The following ZNF331 variants were observed in gnomAD, a reference collection of about 807,000 sequenced individuals.
ZNF331 encodes zinc finger protein 331, also known as C2H2-like zinc finger protein rearranged in thyroid adenomas.
ZNF331 carries 2 observed loss-of-function variants against 7.0 expected under a neutral mutation model. The observed-to-expected ratio is 0.29, with a 90% CI of 0.12 to 0.90. The LOEUF (loss-of-function observed/expected upper bound fraction) is 0.90. Among genes scored for constraint, ZNF331 ranks in the 40% least tolerant of loss-of-function variants. The pLI, the probability that ZNF331 is intolerant of heterozygous loss-of-function variation, is 0.58. For missense variants in ZNF331, 432 were observed against 587.7 expected, an observed-to-expected ratio of 0.74 and a Z score of 2.74; for synonymous variants, 196 against 205.4, an observed-to-expected ratio of 0.95 and a Z score of 0.39.
chr19:53,558,389 A>G lies in ZNF331; in HGVS notation c.-74+2481A>G, dbSNP rs1012321880. On this transcript the variant is annotated intron_variant, in intron 3 of 5. Coordinates refer to ENST00000449416, the MANE Select transcript of ZNF331 (RefSeq NM_001079906.2). This position sits in a 1 kb window ranked among gnomAD's most constrained non-coding sequence, Gnocchi z 4.5. ...TTTCAGAGTTCTTTTGTACCTTCCT[A>G]GCAGCCACCTCCTGTTCAGCTGTCC... 6.6e-6 allele frequency among the ~76,000 whole-genome samples: 1 copy of G among 152,054 alleles called. No homozygotes were observed. Among genetic ancestry groups the G allele is most frequent in the Admixed American group, 6.6e-5 (1 of 15,266 alleles).
At chr19:53,515,208 T>C (rs2086874990), upstream of ZNF331, among the ~76,000 whole-genome samples, 1 of 152,218 alleles carries the variant, frequency 6.6e-6, no homozygotes, top group Non-Finnish European at 1.5e-5. Context: ...GACTGTTCAA[T>C]GCATTACTTA....
the ZNF331 span, among the ~76,000 whole-genome samples, chr19:53,513,649 T>TTTG: frequency 1.3e-5 from 2 of 150,934 alleles, no homozygotes; most frequent in African/African-American, 2.5e-5. Flanking sequence ...TTTACTTTTT[T>TTTG]TCGTTGTTGT....
chr19:53,560,014 ACACAC>A lies in ZNF331; in HGVS notation c.-74+4108_-74+4112del, dbSNP rs1342330929. Among the ~76,000 whole-genome samples, 3 of 148,494 alleles carry A rather than the reference ACACAC, an allele frequency of 2.0e-5. No homozygotes were observed. Among genetic ancestry groups the A allele is most frequent in the African/African-American group, 7.7e-5 (3 of 38,956 alleles). ...CATATATACACACACATATACGCACACACACCCCATACACATGCATACCTCATATA... is the reference window on the plus strand; with the variant it reads ...CATATATACACACACATATACGCACACCCATACACATGCATACCTCATATA... On this transcript the variant is annotated intron_variant, in intron 3 of 5. Transcript: ENST00000449416. The surrounding 1 kb of genome is among the most constrained non-coding windows in gnomAD (Gnocchi z 4.3).
chr19:53,534,639 C>T (rs1465116934), upstream of ZNF331, among the ~76,000 whole-genome samples: 7 of 152,130 alleles, frequency 4.6e-5, no homozygotes, highest in African/African-American at 1.4e-4. Flanking sequence ...CTTGTATCAC[C>T]TCATTCCCCA....
At position 53,527,075 on chromosome 19, in the gene ZNF331, G is replaced by C. The variant is rs375156248; in HGVS notation, c.-205+4391G>C. Among the ~76,000 whole-genome samples the C allele has an allele frequency of 1.4e-4, 22 of 152,036 alleles. No homozygotes were observed. In the East Asian group the frequency reaches 3.9e-3, roughly 27 times the overall value. On this transcript the variant is annotated intron_variant, in intron 2 of 6. Transcript: ENST00000253144. ...ATGGTGGCATGTGCCTGTAATCCCAGCTACCCAGGAGGCTGACACAGGAGA... is the reference window on the plus strand; with the variant it reads ...ATGGTGGCATGTGCCTGTAATCCCACCTACCCAGGAGGCTGACACAGGAGA...
chr19:53,564,422 G>A (rs1409431452), intron 3 of ZNF331, among the ~76,000 whole-genome samples: 1 of 152,006 alleles, frequency 6.6e-6, no homozygotes, highest in African/African-American at 2.4e-5. Context: ...TGGGATTACA[G>A]GCATGTGCCA....
At chr19:53,569,572 G>A (rs901620641) in intron 4 of ZNF331, among the ~76,000 whole-genome samples, 187 bp downstream of exon 4, 1 of 152,156 alleles carries the variant, frequency 6.6e-6, no homozygotes, top group Non-Finnish European at 1.5e-5. Context: ...TCACTGAGCA[G>A]GTGATTAAGT....
chr19:53,558,523 T>C lies in ZNF331; in HGVS notation c.-74+2615T>C, dbSNP rs566391704. On this transcript the variant is annotated intron_variant, in intron 3 of 5. Transcript: ENST00000449416. This position sits in a 1 kb window ranked among gnomAD's most constrained non-coding sequence, Gnocchi z 4.5. ...GAAACGTGATTGGACAAATAAGAGT[T>C]GATTTAATGCTAATTGATTGAGTGG... 6.6e-6 allele frequency among the ~76,000 whole-genome samples: 1 copy of C among 152,198 alleles called. No homozygotes were observed. Among genetic ancestry groups the C allele is most frequent in the African/African-American group, 2.4e-5 (1 of 41,492 alleles).
the ZNF331 span, among the ~76,000 whole-genome samples, chr19:53,510,339 G>C: frequency 2.0e-5 from 3 of 152,064 alleles, no homozygotes; most frequent in African/African-American, 7.2e-5. Context: ...TGGCAGATTA[G>C]GGAACTCGGG....
At chr19:53,541,210 C>A (rs569413145) in intron 2 of ZNF331, among the ~76,000 whole-genome samples, 1 of 151,088 alleles carries the variant, frequency 6.6e-6, no homozygotes, top group East Asian at 2.0e-4. Context: ...TGGGTTCAAG[C>A]AATTCCTGCC....
chr19:53,534,959 T>G (rs1276239999), upstream of ZNF331, among the ~76,000 whole-genome samples: 1 of 145,768 alleles, frequency 6.9e-6, no homozygotes, highest in Non-Finnish European at 1.5e-5. Flanking sequence ...AATCTTTTTT[T>G]AAATTTGGGG....
In ZNF331 at chr19:53,578,134, C is replaced by T. The variant is rs1247055502; in HGVS notation, c.*182C>T. The T allele has an allele frequency of 1.7e-5, 14 of 816,164 alleles. No homozygotes were observed. Among genetic ancestry groups the T allele is most frequent in the East Asian group, 2.8e-5 (1 of 35,644 alleles). 50.6% of individuals were successfully genotyped at this position (816,164 alleles called of 1,614,324 possible). A position where few individuals can be genotyped will look rare whatever the true frequency, so the allele number is the denominator to read the frequency against. ...AAATCTCTCGCTGTCCGGCTCCAGCCGGCCGGGGATGTGAGTCATCCCTTG... is the reference window on the plus strand; with the variant it reads ...AAATCTCTCGCTGTCCGGCTCCAGCTGGCCGGGGATGTGAGTCATCCCTTG... On this transcript the variant is annotated 3_prime_UTR_variant, in exon 6 of 6. Coordinates refer to ENST00000449416, the MANE Select transcript of ZNF331 (RefSeq NM_001079906.2).
At chr19:53,559,975 A>G (rs2089760248) in intron 3 of ZNF331, among the ~76,000 whole-genome samples, 1 of 150,074 alleles carries the variant, frequency 6.7e-6, no homozygotes, top group Non-Finnish European at 1.5e-5. Context: ...CCCCGTACAC[A>G]TATATACACA....
rs1310421160 is a variant in ZNF331, at chr19:53,560,577, G to A, written c.-74+4669G>A. On this transcript the variant is annotated intron_variant, in intron 3 of 5. Transcript: ENST00000449416. This position sits in a 1 kb window ranked among gnomAD's most constrained non-coding sequence, Gnocchi z 4.3. Reference sequence around the variant, plus strand: ...ATTATTGGCGTCATACAACACAAATGTATTATCTTACTGTCATAGAGGTCA... The same window carrying A: ...ATTATTGGCGTCATACAACACAAATATATTATCTTACTGTCATAGAGGTCA... Among the ~76,000 whole-genome samples, 2 of 152,256 alleles carry A rather than the reference G, an allele frequency of 1.3e-5. No individual in the cohort carries two copies. The highest frequency in any genetic ancestry group is 4.8e-5 in the African/African-American group (2 of 41,544).
rs973746028 is a variant in ZNF331 at position 53,560,829 on chromosome 19, A to G, written c.-74+4921A>G. On this transcript the variant is annotated intron_variant, in intron 3 of 5. Transcript: ENST00000449416. The surrounding 1 kb of genome is among the most constrained non-coding windows in gnomAD (Gnocchi z 4.3). ...TGGTCATTACATTGCGCTTGCTTCTATAACTCAAGAGAATCTTCCGTATGT... is the reference window on the plus strand; with the variant it reads ...TGGTCATTACATTGCGCTTGCTTCTGTAACTCAAGAGAATCTTCCGTATGT... 3.9e-5 allele frequency among the ~76,000 whole-genome samples: 6 copies of G among 152,160 alleles called. No individual in the cohort carries two copies. Among genetic ancestry groups the G allele is most frequent in the East Asian group, 3.8e-4 (2 of 5,196 alleles).
In ZNF331 at chr19:53,560,354, GACACATATACACACCCACAGATAGAC is replaced by G. The variant is rs2089807196; in HGVS notation, c.-74+4460_-74+4485del. ...CATATATAAACACCATATATATACA[GACACATATACACACCCACAGATAGAC>G]ACACATATACACAAACATACACACA... is the stretch of plus-strand genomic sequence containing the variant. On this transcript the variant is annotated intron_variant, in intron 3 of 5. Transcript: ENST00000449416. The surrounding 1 kb of genome is among the most constrained non-coding windows in gnomAD (Gnocchi z 4.3). 6.6e-6 allele frequency among the ~76,000 whole-genome samples: 1 copy of G among 151,222 alleles called. No individual in the cohort carries two copies. Among genetic ancestry groups the G allele is most frequent in the Non-Finnish European group, 1.5e-5 (1 of 67,832 alleles).
chr19:53,575,743 G>A (rs1310636018), intron 5 of ZNF331, among the ~76,000 whole-genome samples: 2 of 142,884 alleles, frequency 1.4e-5, no homozygotes, highest in African/African-American at 5.3e-5. Context: ...GAGTGCAGTG[G>A]CACAATCTCG....
chr19:53,549,939 T>C (rs1301054734), intron 2 of ZNF331, among the ~76,000 whole-genome samples: 1 of 152,250 alleles, frequency 6.6e-6, no homozygotes, highest in Non-Finnish European at 1.5e-5. Context: ...GAGGATGTTG[T>C]GTTTACATTT....
At position 53,558,099 on chromosome 19, in the gene ZNF331, A is replaced by G. The variant is rs1169245302; in HGVS notation, c.-74+2191A>G. Reference sequence around the variant, plus strand: ...TCAGATTCCACAGGTTGTGAGCAAGACTGTCCCACTCTGCCCCACTAGCCA... The same window carrying G: ...TCAGATTCCACAGGTTGTGAGCAAGGCTGTCCCACTCTGCCCCACTAGCCA... On this transcript the variant is annotated intron_variant, in intron 3 of 5. Coordinates refer to ENST00000449416, the MANE Select transcript of ZNF331 (RefSeq NM_001079906.2). The surrounding 1 kb of genome is among the most constrained non-coding windows in gnomAD (Gnocchi z 4.5). 6.6e-6 allele frequency among the ~76,000 whole-genome samples: 1 copy of G among 152,158 alleles called. No homozygotes were observed. Among genetic ancestry groups the G allele is most frequent in the East Asian group, 1.9e-4 (1 of 5,198 alleles).
Sources: allele counts gnomAD v4.1 joint callset (sites outside exome capture counted in the v4.1 genomes callset), GRCh38; gene constraint gnomAD v4.1.1; non-coding constraint Gnocchi (gnomAD v3.1); transcripts MANE v1.5; gene names NCBI Gene and HGNC (gene_info 2026-07-23, HGNC 2026-07-21).